FAM149A: variants seen among roughly 807,000 people sequenced by gnomAD.
FAM149A encodes the protein family with sequence similarity 149 member A, also known as protein FAM149A.
Under a neutral mutation model 78.2 loss-of-function variants are expected in FAM149A, and 71 were observed. That is an observed-to-expected ratio of 0.91 (90% CI 0.75 to 1.11). The LOEUF (loss-of-function observed/expected upper bound fraction) is 1.11. Among genes scored for constraint, FAM149A ranks in the 50% least tolerant of loss-of-function variants. FAM149A has a pLI of 0.00. For synonymous variants in FAM149A, 446 were observed against 410.5 expected (o/e 1.09, Z -1.04); for missense variants, 1,036 against 971.0 (o/e 1.07, Z -0.89).
At position 186,144,822 on chromosome 4, in the gene FAM149A, C is replaced by G. The variant is rs1279634134; in HGVS notation, c.567-4351C>G. 1.0e-6 allele frequency: 1 copy of G among 982,212 alleles called. No homozygotes were observed. Among genetic ancestry groups the G allele is most frequent in the Non-Finnish European group, 1.2e-6 (1 of 828,696 alleles). The allele number at this position is 982,212 out of a possible 1,614,324, so 60.8% of individuals were successfully genotyped here. On this transcript the variant is annotated intron_variant, in intron 1 of 13. Coordinates refer to ENST00000389354, the MANE Select transcript of FAM149A (RefSeq NM_001367768.3). This position sits in a 1 kb window ranked among gnomAD's most constrained non-coding sequence, Gnocchi z 4.2. ...GCAGCGCAGGGAGGAGGAGGGGAGG[C>G]GGCGCCGGCGCGGGCGGGGCGGAGG...
chr4:186,106,822 C>T (rs879262494), intron 1 of FAM149A, among the ~76,000 whole-genome samples: 8 of 152,042 alleles, frequency 5.3e-5, no homozygotes, highest in Non-Finnish European at 1.2e-4. Context: ...TGGTACGTGC[C>T]TGTAGTCCCA....
chr4:186,121,477 A>T (rs1387451682), intron 1 of FAM149A, among the ~76,000 whole-genome samples: 1 of 152,208 alleles, frequency 6.6e-6, no homozygotes. Flanking sequence ...ATATATTTTT[A>T]AAATGTATTT....
intron 1 of FAM149A, among the ~76,000 whole-genome samples, chr4:186,134,169 A>G (rs904408207): frequency 1.3e-5 from 2 of 152,160 alleles, no homozygotes; most frequent in Non-Finnish European, 1.5e-5. Context: ...AGCCACTCTA[A>G]TGAGTTTAAA....
rs1735618209 is a variant in FAM149A, at chr4:186,172,740, A to G, written c.*753A>G. 1 of 111,972 alleles carries G rather than the reference A, an allele frequency of 8.9e-6. No homozygotes were observed. The highest frequency in any genetic ancestry group is 2.8e-5 in the African/African-American group (1 of 35,660). The allele number at this position is 111,972 out of a possible 1,614,324, so 6.9% of individuals were successfully genotyped here. A position where few individuals can be genotyped will look rare whatever the true frequency, so the allele number is the denominator to read the frequency against. Reference sequence around the variant, plus strand: ...GGGAGCCTCCCACCCTCCACGTGCCATCAGGAGCTGGCCTTTGCCCAGACG... The same window carrying G: ...GGGAGCCTCCCACCCTCCACGTGCCGTCAGGAGCTGGCCTTTGCCCAGACG... On this transcript the variant is annotated 3_prime_UTR_variant, in exon 14 of 14. Transcript: ENST00000389354.
chr4:186,134,166 C>G (rs940338122), intron 1 of FAM149A, among the ~76,000 whole-genome samples: 1 of 152,178 alleles, frequency 6.6e-6, no homozygotes, highest in African/African-American at 2.4e-5. Flanking sequence ...AACAGCCACT[C>G]TAATGAGTTT....
At position 186,144,705 on chromosome 4, in the gene FAM149A, C is replaced by A; in HGVS notation, c.567-4468C>A. The A allele has an allele frequency of 1.5e-6, 1 of 676,420 alleles. No homozygotes were observed. Among genetic ancestry groups the A allele is most frequent in the Non-Finnish European group, 1.8e-6 (1 of 550,400 alleles). 41.9% of individuals were successfully genotyped at this position (676,420 alleles called of 1,614,324 possible). A position where few individuals can be genotyped will look rare whatever the true frequency, so the allele number is the denominator to read the frequency against. Reference sequence around the variant, plus strand: ...CCCGGCAGGGAGCGGGGAAGGCGCGCTTTCCCGGAGGTCGGCGCGGGGCCG... The same window carrying A: ...CCCGGCAGGGAGCGGGGAAGGCGCGATTTCCCGGAGGTCGGCGCGGGGCCG... On this transcript the variant is annotated intron_variant, in intron 1 of 13. Coordinates refer to ENST00000389354, the MANE Select transcript of FAM149A (RefSeq NM_001367768.3). The surrounding 1 kb of genome is among the most constrained non-coding windows in gnomAD (Gnocchi z 4.2).
chr4:186,164,410 G>C lies in FAM149A; in HGVS notation c.1889+777G>C. 1.0e-6 allele frequency: 1 copy of C among 974,870 alleles called. No homozygotes were observed. Among genetic ancestry groups the C allele is most frequent in the Non-Finnish European group, 1.2e-6 (1 of 820,362 alleles). The allele number at this position is 974,870 out of a possible 1,614,324, so 60.4% of individuals were successfully genotyped here. ...TTTAGAGACCACCCACTGGACCCCC[G>C]GCCTGCAGGGGAGCTGTTATCAGGA... is the stretch of plus-strand genomic sequence containing the variant. On this transcript the variant is annotated intron_variant, in intron 10 of 13. Transcript: ENST00000389354. The surrounding 1 kb of genome is among the most constrained non-coding windows in gnomAD (Gnocchi z 4.0).
At chr4:186,131,667 TCA>T (rs2099320803) in intron 1 of FAM149A, among the ~76,000 whole-genome samples, 1 of 152,228 alleles carries the variant, frequency 6.6e-6, no homozygotes, top group Non-Finnish European at 1.5e-5. Context: ...ATACCTCAAG[TCA>T]CACTACACAT....
intron 13 of FAM149A, chr4:186,169,460 G>C (rs568354450): frequency 4.1e-6 from 4 of 983,206 alleles, no homozygotes; most frequent in Non-Finnish European, 3.6e-6. Context: ...TTGGGAGCGG[G>C]AGGCCTAAGT....
At chr4:186,149,150 G>A (rs760768417) in intron 1 of FAM149A, 23 bp from the exon 2 acceptor site, 59 of 1,266,468 alleles carry the variant, frequency 4.7e-5, no homozygotes, top group Middle Eastern at 2.2e-4. Context: ...AGGGAGACTC[G>A]TCATGTTTTA....
In FAM149A at chr4:186,144,798, C is replaced by T. The variant is rs1321985710; in HGVS notation, c.567-4375C>T. Reference sequence around the variant, plus strand: ...CGGGATTAGCTGGCGGGCGAGGGCGCAGCGCAGGGAGGAGGAGGGGAGGCG... The same window carrying T: ...CGGGATTAGCTGGCGGGCGAGGGCGTAGCGCAGGGAGGAGGAGGGGAGGCG... On this transcript the variant is annotated intron_variant, in intron 1 of 13. Coordinates refer to ENST00000389354, the MANE Select transcript of FAM149A (RefSeq NM_001367768.3). This position sits in a 1 kb window ranked among gnomAD's most constrained non-coding sequence, Gnocchi z 4.2. 2.0e-6 allele frequency: 2 copies of T among 980,914 alleles called. No individual in the cohort carries two copies. The highest frequency in any genetic ancestry group is 2.4e-6 in the Non-Finnish European group (2 of 826,634). The allele number at this position is 980,914 out of a possible 1,614,324, so 60.8% of individuals were successfully genotyped here.
chr4:186,120,981 A>T (rs1477099389), intron 1 of FAM149A, among the ~76,000 whole-genome samples: 1 of 149,844 alleles, frequency 6.7e-6, no homozygotes, highest in African/African-American at 2.5e-5. Context: ...AGCCTCCCTA[A>T]TATTCCTATT....
rs559068892 is a variant in FAM149A, at chr4:186,172,237, G to A, written c.*250G>A. 1.1e-4 allele frequency: 47 copies of A among 421,862 alleles called. No homozygotes were observed. Among genetic ancestry groups the A allele is most frequent in the African/African-American group, 9.2e-4 (45 of 48,922 alleles). 26.1% of individuals were successfully genotyped at this position (421,862 alleles called of 1,614,324 possible). On this transcript the variant is annotated 3_prime_UTR_variant, in exon 14 of 14. Transcript: ENST00000389354. ...CTGTAGGCTTTGTTCAGAAGCCCCT[G>A]ATGTGTGTTTGCAGTCCGTCATTTT...
At chr4:186,107,436 T>G (rs2099309232) in intron 1 of FAM149A, 1 of 152,204 alleles carries the variant, frequency 6.6e-6, no homozygotes, top group Non-Finnish European at 1.5e-5. Flanking sequence ...TATTACTTTT[T>G]GAGATGAGGT....
At chr4:186,154,807 G>A in intron 6 of FAM149A, 169 bp downstream of exon 6, 27 of 985,346 alleles carry the variant, frequency 2.7e-5, no homozygotes, top group South Asian at 2.4e-4. Flanking sequence ...CCTAGCCAGC[G>A]GTGCACGTGC....
In FAM149A at chr4:186,133,314, A is replaced by G. The variant is rs1485272684; in HGVS notation, c.567-15859A>G. The G allele has an allele frequency of 1.5e-5, 8 of 544,334 alleles. No individual in the cohort carries two copies. The South Asian group carries it at 4.8e-4, about 32-fold the overall frequency. The allele number at this position is 544,334 out of a possible 1,614,324, so 33.7% of individuals were successfully genotyped here. Reference sequence around the variant, plus strand: ...CGCCATCCATCTCCAGAAGTTTTTCATCATCTCAAACAAACTCACTACCTG... The same window carrying G: ...CGCCATCCATCTCCAGAAGTTTTTCGTCATCTCAAACAAACTCACTACCTG... On this transcript the variant is annotated intron_variant, in intron 1 of 13. Transcript: ENST00000389354.
In FAM149A at chr4:186,173,901, A is replaced by G. The variant is rs966570989; in HGVS notation, c.*1914A>G. ...CCAGTCTTAATTCAGCAGCTCTCCC[A>G]CTTGAGGAATAGTTAGATATGTGAG... On this transcript the variant is annotated 3_prime_UTR_variant, in exon 14 of 14. Coordinates refer to ENST00000389354, the MANE Select transcript of FAM149A (RefSeq NM_001367768.3). 1.3e-4 allele frequency among the ~76,000 whole-genome samples: 14 copies of G among 111,356 alleles called. 3 individuals carry two copies. Among genetic ancestry groups the G allele is most frequent in the Non-Finnish European group, 2.7e-4 (12 of 44,220 alleles). 73.1% of individuals were successfully genotyped at this position (111,356 alleles called of 152,430 possible).
chr4:186,127,420 G>A (rs2099318792), intron 1 of FAM149A: 1 of 985,308 alleles, frequency 1.0e-6, no homozygotes, highest in Non-Finnish European at 1.2e-6. Context: ...TGTGATGACT[G>A]CTTCTGTCAC....
In FAM149A at chr4:186,172,806, C is replaced by T. The variant is rs1171637073; in HGVS notation, c.*819C>T. ...CACCTTCCCAGAGCCCTCGTCTCCT[C>T]GCGCTCTGTCCTGCTCTGCCTGGCT... On this transcript the variant is annotated 3_prime_UTR_variant, in exon 14 of 14. Coordinates refer to ENST00000389354, the MANE Select transcript of FAM149A (RefSeq NM_001367768.3). 2 of 111,178 alleles carry T rather than the reference C, an allele frequency of 1.8e-5. 1 individual carries two copies. The highest frequency in any genetic ancestry group is 1.8e-4 in the Admixed American group (2 of 11,426). The allele number at this position is 111,178 out of a possible 1,614,324, so 6.9% of individuals were successfully genotyped here.
Sources: allele counts gnomAD v4.1 joint callset (sites outside exome capture counted in the v4.1 genomes callset), GRCh38; gene constraint gnomAD v4.1.1; non-coding constraint Gnocchi (gnomAD v3.1); transcripts MANE v1.5; gene names NCBI Gene and HGNC (gene_info 2026-07-23, HGNC 2026-07-21).